TTLL9: variants seen among roughly 807,000 people sequenced by gnomAD.
TTLL9 encodes tubulin tyrosine ligase like 9.
Under a neutral mutation model 65.6 loss-of-function variants are expected in TTLL9, and 47 were observed. That is an observed-to-expected ratio of 0.72 (90% CI 0.57 to 0.91). The LOEUF (loss-of-function observed/expected upper bound fraction) is 0.91. Among genes scored for constraint, TTLL9 ranks in the 40% least tolerant of loss-of-function variants. The pLI is 0.00. For missense variants in TTLL9, 537 were observed against 568.8 expected (o/e 0.94, Z 0.57); for synonymous variants, 179 against 204.8 (o/e 0.87, Z 1.07).
Position 31,919,902 on chromosome 20 carries a change from T to C in TTLL9, c.543T>C (p.Arg181=), listed in dbSNP as rs765996878. 13 of 1,592,986 alleles carry C rather than the reference T, an allele frequency of 8.2e-6. No individual in the cohort carries two copies. The African/African-American group carries it at 1.6e-4, about 20-fold the overall frequency. ...RSQGKGIFLF[R]RLKDIVDWRK... is the part of the protein sequence containing the mutation. ...AAGGGAAAGGCATCTTCCTCTTCCG[T>C]AGGCTGAAGGACATCGTGGACTGGA... Residue 181 remains arginine, a synonymous_variant, in exon 7 of 15, where the codon CGT becomes CGC. Coordinates refer to ENST00000535842, the MANE Select transcript of TTLL9 (RefSeq NM_001008409.5).
intron 2 of TTLL9, chr20:31,879,880 G>T: frequency 6.4e-7 from 1 of 1,550,442 alleles, no homozygotes; most frequent in Non-Finnish European, 8.7e-7. Flanking sequence ...GGGGAATCGC[G>T]TTATGTCGCG....
In TTLL9 at chr20:31,944,089, G is replaced by A. The variant is rs1044293558; in HGVS notation, c.*1068G>A. On this transcript the variant is annotated 3_prime_UTR_variant, in exon 15 of 15. Transcript: ENST00000535842. ...GGCAAATCCAAGAAGTGAACCAGCCGACTTTAGGAAAGCCAGAAGCCAGGC... is the reference window on the plus strand; with the variant it reads ...GGCAAATCCAAGAAGTGAACCAGCCAACTTTAGGAAAGCCAGAAGCCAGGC... 19 of 328,908 alleles carry A rather than the reference G, an allele frequency of 5.8e-5. No individual in the cohort carries two copies. The highest frequency in any genetic ancestry group is 1.5e-4 in the Admixed American group (4 of 26,048). 20.4% of individuals were successfully genotyped at this position (328,908 alleles called of 1,614,324 possible).
chr20:31,909,943 G>T (rs2063622504), intron 6 of TTLL9, 21 bp downstream of exon 6: 1 of 1,592,438 alleles, frequency 6.3e-7, no homozygotes, highest in Non-Finnish European at 8.6e-7. Context: ...AGTGCCAGGG[G>T]CTGGGTGGGA....
chr20:31,875,792 CA>C (rs2063030639), intron 2 of TTLL9, among the ~76,000 whole-genome samples: 7 of 152,076 alleles, frequency 4.6e-5, no homozygotes, highest in African/African-American at 1.7e-4. Context: ...AAAACAAAAA[CA>C]TTCTAAATAA....
chr20:31,906,384 C>T (rs2063559958), intron 4 of TTLL9, among the ~76,000 whole-genome samples: 1 of 152,252 alleles, frequency 6.6e-6, no homozygotes, highest in Non-Finnish European at 1.5e-5. Context: ...GAAGAAGGTT[C>T]TCATGGGTTC....
At chr20:31,904,731 T>C (rs2063526913) in intron 4 of TTLL9, among the ~76,000 whole-genome samples, 2 of 152,208 alleles carry the variant, frequency 1.3e-5, no homozygotes, top group African/African-American at 4.8e-5. Flanking sequence ...TCATTCCTTC[T>C]ACATGTATTA....
intron 10 of TTLL9, among the ~76,000 whole-genome samples, chr20:31,927,089 C>T (rs1231558119): frequency 6.6e-6 from 1 of 151,092 alleles, no homozygotes; most frequent in Non-Finnish European, 1.5e-5. Context: ...TATGCCAGTC[C>T]AGGTGACAGA....
intron 6 of TTLL9, among the ~76,000 whole-genome samples, chr20:31,916,787 C>A (rs1019856285): frequency 6.6e-6 from 1 of 152,182 alleles, no homozygotes; most frequent in African/African-American, 2.4e-5. Flanking sequence ...TATTTCTTCC[C>A]GATCCCCTTT....
intron 9 of TTLL9, 38 bp from the exon 10 acceptor site, chr20:31,926,011 A>G (rs922517863): frequency 1.9e-6 from 3 of 1,612,534 alleles, no homozygotes; most frequent in Middle Eastern, 1.7e-4. Flanking sequence ...CCCTTCCCAC[A>G]CTCTGGCCAG....
intron 2 of TTLL9, among the ~76,000 whole-genome samples, chr20:31,875,666 G>C (rs2063028615): frequency 1.3e-5 from 2 of 152,176 alleles, no homozygotes; most frequent in African/African-American, 4.8e-5. Flanking sequence ...CAAAAAGAAT[G>C]CTAAACTTCC....
At chr20:31,929,230 T>C (rs866752616) in intron 10 of TTLL9, among the ~76,000 whole-genome samples, 3 of 152,210 alleles carry the variant, frequency 2.0e-5, no homozygotes, top group Admixed American at 6.5e-5. Context: ...CTGCAGAGAA[T>C]TAGAACCAGG....
chr20:31,908,536 C>T, intron 4 of TTLL9, 55 bp from the exon 5 acceptor site: 1 of 1,292,008 alleles, frequency 7.7e-7, no homozygotes, highest in Non-Finnish European at 1.1e-6. Flanking sequence ...CTGGGCCCTG[C>T]AGTGCCAAGG....
chr20:31,889,931 G>C (rs941545765), intron 3 of TTLL9, among the ~76,000 whole-genome samples: 2 of 151,860 alleles, frequency 1.3e-5, no homozygotes, highest in Admixed American at 1.3e-4. Context: ...TCATGATCAG[G>C]ACAGGAAGAA....
chr20:31,927,779 C>T (rs923838983), intron 10 of TTLL9, among the ~76,000 whole-genome samples: 1 of 152,150 alleles, frequency 6.6e-6, no homozygotes, highest in Non-Finnish European at 1.5e-5. Context: ...GTGACGCTCC[C>T]CAGCTTCGGG....
intron 4 of TTLL9, among the ~76,000 whole-genome samples, chr20:31,899,482 A>AAGTT (rs1194271563): frequency 1.3e-5 from 2 of 152,080 alleles, no homozygotes; most frequent in East Asian, 3.9e-4. Context: ...ATTTTTTAAA[A>AAGTT]AGTTAGCCAG....
intron 10 of TTLL9, among the ~76,000 whole-genome samples, chr20:31,931,408 T>C (rs111444139): frequency 0.046 from 6,979 of 152,172 alleles, 271 homozygotes; most frequent in Admixed American, 0.099. Context: ...CTCAAGTAGC[T>C]GGGACTATAG....
Position 31,932,471 on chromosome 20 carries a change from C to CAAAA in TTLL9, c.749-1318_749-1315dup, listed in dbSNP as rs58783829. On this transcript the variant is annotated intron_variant, in intron 10 of 14. Coordinates refer to ENST00000535842, the MANE Select transcript of TTLL9 (RefSeq NM_001008409.5). ...TGGGTGACAGAGCAAGACCCTGTCT[C>CAAAA]AAAAAAAAAAAAAAGGTCTAAAGAA... is the stretch of plus-strand genomic sequence containing the variant. 1.9e-3 allele frequency among the ~76,000 whole-genome samples: 161 copies of CAAAA among 86,472 alleles called. 6 individuals are homozygous for CAAAA. Among genetic ancestry groups the CAAAA allele is most frequent in the African/African-American group, 7.8e-3 (139 of 17,916 alleles). 56.7% of individuals were successfully genotyped at this position (86,472 alleles called of 152,430 possible). A position where few individuals can be genotyped will look rare whatever the true frequency, so the allele number is the denominator to read the frequency against.
chr20:31,916,312 T>C (rs1335803700), intron 6 of TTLL9, among the ~76,000 whole-genome samples: 1 of 152,226 alleles, frequency 6.6e-6, no homozygotes, highest in Non-Finnish European at 1.5e-5. Context: ...GGAGGGGACA[T>C]TGATTTACCT....
intron 11 of TTLL9, chr20:31,934,219 C>G (rs1388748596): frequency 6.1e-6 from 3 of 492,350 alleles, no homozygotes; most frequent in Non-Finnish European, 1.2e-5. Flanking sequence ...AGGCCAGGTT[C>G]AAATACAGAA....
Sources: gnomAD v4.1 joint callset for allele counts (sites outside exome capture counted in the v4.1 genomes callset) on GRCh38, gnomAD v4.1.1 for gene constraint, MANE v1.5 for transcripts, NCBI Gene and HGNC (gene_info 2026-07-23, HGNC 2026-07-21) for gene names.